The following SOX6 variants were observed in gnomAD, a reference collection of about 807,000 sequenced individuals.
SOX6 encodes transcription factor SOX-6.
Under a neutral mutation model 97.8 loss-of-function variants are expected in SOX6, and 11 were observed. That is an observed-to-expected ratio of 0.11 (90% CI 0.07 to 0.19). The LOEUF is 0.19. Ranked by LOEUF, SOX6 falls within the 10% of genes least tolerant of loss-of-function variation. The pLI, the probability that SOX6 is intolerant of heterozygous loss-of-function variation, is 1.00. For synonymous variants in SOX6, 360 were observed against 371.4 expected, an observed-to-expected ratio of 0.97 and a Z score of 0.35; for missense variants, 810 against 1,039.5, an observed-to-expected ratio of 0.78 and a Z score of 3.04.
intron 3 of SOX6, among the ~76,000 whole-genome samples, chr11:16,676,170 G>C (rs537012923): frequency 2.8e-4 from 42 of 152,122 alleles, no homozygotes; most frequent in African/African-American, 9.6e-4. Context: ...TCTTTTGCCT[G>C]CTCAAATGTG....
At position 16,535,501 on chromosome 11, in the gene SOX6, G is replaced by A. The variant is rs181789315; in HGVS notation, n.610-59113C>T. 4.0e-3 allele frequency among the ~76,000 whole-genome samples: 613 copies of A among 152,004 alleles called. 3 individuals carry two copies. Among genetic ancestry groups the A allele is most frequent in the African/African-American group, 0.014 (592 of 41,486 alleles). Reference sequence around the variant, plus strand: ...AGCCTAGGCAACATGGCAAAACCCCGTCTCTACAAAAAATACAAAAATTAG... The same window carrying A: ...AGCCTAGGCAACATGGCAAAACCCCATCTCTACAAAAAATACAAAAATTAG... On this transcript the variant is annotated intron_variant and non_coding_transcript_variant, in intron 4 of 5. Coordinates refer to the SOX6 transcript ENST00000524520.
intron 13 of SOX6, among the ~76,000 whole-genome samples, chr11:15,998,315 T>A (rs1361081822): frequency 6.7e-6 from 1 of 150,332 alleles, no homozygotes; most frequent in Non-Finnish European, 1.5e-5. Context: ...AAAATAATAT[T>A]CAAATATATA....
intron 1 of SOX6, among the ~76,000 whole-genome samples, chr11:16,425,681 A>T (rs1330499915): frequency 6.6e-6 from 1 of 152,224 alleles, no homozygotes; most frequent in Admixed American, 6.5e-5. Flanking sequence ...ACAACAGTCA[A>T]GCCGAGATCC....
chr11:16,721,551 T>C (rs1475269802), intron 2 of SOX6, among the ~76,000 whole-genome samples: 4 of 4,680 alleles, frequency 8.5e-4, no homozygotes, highest in African/African-American at 4.5e-3. Flanking sequence ...TCTCTCTCTC[T>C]TCCCCCCCCT....
rs576104281 is a variant in SOX6 at position 16,690,485 on chromosome 11, T to A, written n.429+24345A>T. On this transcript the variant is annotated intron_variant and non_coding_transcript_variant, in intron 3 of 5. Coordinates refer to the SOX6 transcript ENST00000524520. ...TTTCCCCTTTGCTGAAGCAAAAAAA[T>A]CTGTCTCAGAATCTAGTTTTAATAG... 8.5e-5 allele frequency among the ~76,000 whole-genome samples: 13 copies of A among 152,352 alleles called. No homozygotes were observed. The East Asian group carries it at 2.5e-3, about 29-fold the overall frequency.
chr11:16,733,267 C>A (rs779492254), intron 2 of SOX6, among the ~76,000 whole-genome samples: 2 of 152,186 alleles, frequency 1.3e-5, no homozygotes, highest in Admixed American at 6.5e-5. Flanking sequence ...ACTTTAAAGA[C>A]AGATGCACAT....
chr11:16,584,410 T>C (rs1047415969), intron 4 of SOX6, among the ~76,000 whole-genome samples: 1 of 152,198 alleles, frequency 6.6e-6, no homozygotes, highest in African/African-American at 2.4e-5. Context: ...TCTCCTCCAG[T>C]ATCATCATCT....
At chr11:16,340,929 T>A (rs1856608804) in intron 2 of SOX6, 83 bp downstream of exon 2, 1 of 1,583,996 alleles carries the variant, frequency 6.3e-7, no homozygotes, top group Admixed American at 1.7e-5. Flanking sequence ...TCTAAGGTCA[T>A]CTATTTCCCT....
At chr11:16,707,636 T>C (rs1848147243) in intron 3 of SOX6, among the ~76,000 whole-genome samples, 1 of 152,218 alleles carries the variant, frequency 6.6e-6, no homozygotes, top group African/African-American at 2.4e-5. Flanking sequence ...ATTCCAGGAC[T>C]TGGCAAAGTT....
chr11:16,404,740 T>C (rs1590190421), intron 1 of SOX6, among the ~76,000 whole-genome samples: 1 of 151,992 alleles, frequency 6.6e-6, no homozygotes, highest in Admixed American at 6.6e-5. Flanking sequence ...GAATGTTTAA[T>C]GTGATAAATG....
rs1420568946 is a variant in SOX6 at position 16,150,227 on chromosome 11, A to C, written c.777+33659T>G. ...TAATTACATAGGTAAAAAAGGTTAC[A>C]TTTCTCTAAGTTGGGAAGAACTACT... is the stretch of plus-strand genomic sequence containing the variant. On this transcript the variant is annotated intron_variant, in intron 6 of 15. Transcript: ENST00000683767. 2.0e-5 allele frequency among the ~76,000 whole-genome samples: 3 copies of C among 152,200 alleles called. No homozygotes were observed. In the South Asian group the frequency reaches 6.2e-4, roughly 31 times the overall value.
chr11:16,247,218 T>C (rs1297717825), intron 3 of SOX6, among the ~76,000 whole-genome samples: 1 of 152,220 alleles, frequency 6.6e-6, no homozygotes, highest in African/African-American at 2.4e-5. Flanking sequence ...GTTGAATCCA[T>C]GTTGTTGTAA....
At chr11:16,247,288 T>G (rs1178399976) in intron 3 of SOX6, among the ~76,000 whole-genome samples, 1 of 152,222 alleles carries the variant, frequency 6.6e-6, no homozygotes, top group Non-Finnish European at 1.5e-5. Flanking sequence ...ATGTGCCATG[T>G]ACCACATTTT....
At chr11:16,575,673 T>C (rs909505419) in intron 4 of SOX6, among the ~76,000 whole-genome samples, 10 of 152,138 alleles carry the variant, frequency 6.6e-5, no homozygotes, top group Admixed American at 2.0e-4. Context: ...AAAATCGAAC[T>C]ATATTGTTTA....
At chr11:15,989,567 C>T (rs1409659568) in intron 13 of SOX6, among the ~76,000 whole-genome samples, 1 of 152,150 alleles carries the variant, frequency 6.6e-6, no homozygotes, top group East Asian at 1.9e-4. Context: ...TCTTACTGGT[C>T]ATTTTAGACT....
chr11:16,608,784 A>T (rs1182339780), intron 4 of SOX6, among the ~76,000 whole-genome samples: 1 of 152,250 alleles, frequency 6.6e-6, no homozygotes, highest in Non-Finnish European at 1.5e-5. Context: ...CACAATTGTT[A>T]TACTGTTATA....
chr11:16,360,633 A>G (rs554122520), upstream of SOX6, among the ~76,000 whole-genome samples: 1 of 152,304 alleles, frequency 6.6e-6, no homozygotes, highest in South Asian at 2.1e-4. Flanking sequence ...GTATCCCCCA[A>G]GATAACTGGC....
At chr11:16,181,978 A>T (rs1403561691) in intron 6 of SOX6, among the ~76,000 whole-genome samples, 2 of 151,834 alleles carry the variant, frequency 1.3e-5, no homozygotes, top group African/African-American at 2.4e-5. Flanking sequence ...CTTGAAAAAC[A>T]TTACTCCTAT....
At chr11:16,132,402 AAAGAAAGAAAGAAAGAAAG>A (rs1849809288) in intron 6 of SOX6, among the ~76,000 whole-genome samples, 1 of 33,382 alleles carries the variant, frequency 3.0e-5, no homozygotes, top group African/African-American at 1.5e-4. Context: ...AAGAAAGAAA[AAAGAAAGAAAGAAAGAAAG>A]AAAGAAAGAA....
Sources: gnomAD v4.1 joint callset for allele counts (sites outside exome capture counted in the v4.1 genomes callset) on GRCh38, gnomAD v4.1.1 for gene constraint, MANE v1.5 for transcripts, NCBI Gene and HGNC (gene_info 2026-07-23, HGNC 2026-07-21) for gene names.